Variants in ASAP2 observed in about 807,000 individuals in gnomAD.
ASAP2 encodes the protein ArfGAP with SH3 domain, ankyrin repeat and PH domain 2, also known as arf-GAP with SH3 domain, ANK repeat and PH domain-containing protein 2.
Under a neutral mutation model 131.4 loss-of-function variants are expected in ASAP2, and 45 were observed. That is an observed-to-expected ratio of 0.34 (90% CI 0.27 to 0.44). The LOEUF (loss-of-function observed/expected upper bound fraction) is 0.44, where lower values mean the gene tolerates loss of function less well. Among genes scored for constraint, ASAP2 ranks in the 20% least tolerant of loss-of-function variants. The pLI is 1.00. For synonymous variants in ASAP2, 510 were observed against 503.0 expected (o/e 1.01, Z -0.19); for missense variants, 1,011 against 1,297.0 (o/e 0.78, Z 3.39).
At chr2:9,375,564 C>T (rs1418697500) in intron 17 of ASAP2, among the ~76,000 whole-genome samples, 3 of 152,162 alleles carry the variant, frequency 2.0e-5, no homozygotes, top group Non-Finnish European at 4.4e-5. Context: ...CATTTAAAAT[C>T]GACTCAGTTT....
intron 1 of ASAP2, among the ~76,000 whole-genome samples, chr2:9,213,317 T>G (rs1259620611): frequency 6.6e-6 from 1 of 151,748 alleles, no homozygotes; most frequent in African/African-American, 2.4e-5. Context: ...GGTCAGGGTG[T>G]GTGGGGAGGA....
chr2:9,373,263 C>T (rs568097659), intron 16 of ASAP2, among the ~76,000 whole-genome samples: 1 of 152,206 alleles, frequency 6.6e-6, no homozygotes, highest in Admixed American at 6.5e-5. Flanking sequence ...GAAGTCCTTC[C>T]TGGGCTGTGA....
At chr2:9,380,284 G>A (rs1674735665) in intron 19 of ASAP2, among the ~76,000 whole-genome samples, 1 of 151,860 alleles carries the variant, frequency 6.6e-6, no homozygotes, top group Admixed American at 6.6e-5. Context: ...TGCAACCTCT[G>A]CCTCCCAGGT....
rs183536616 is a variant in ASAP2, at chr2:9,252,894, G to C, written c.127-26423G>C. Reference sequence around the variant, plus strand: ...TCGCGCCACTGCACTCCAGCCTCGCGACAAAGCGAGACTCCGTCTCAAAAA... The same window carrying C: ...TCGCGCCACTGCACTCCAGCCTCGCCACAAAGCGAGACTCCGTCTCAAAAA... On this transcript the variant is annotated intron_variant, in intron 1 of 27. Transcript: ENST00000281419. Among the ~76,000 whole-genome samples, 481 of 137,160 alleles carry C rather than the reference G, an allele frequency of 3.5e-3. 6 individuals are homozygous for C. Among genetic ancestry groups the C allele is most frequent in the Admixed American group, 0.028 (364 of 12,942 alleles). 90.0% of individuals were successfully genotyped at this position (137,160 alleles called of 152,430 possible). A position where few individuals can be genotyped will look rare whatever the true frequency, so the allele number is the denominator to read the frequency against.
chr2:9,317,079 A>G (rs553096447), intron 3 of ASAP2, among the ~76,000 whole-genome samples: 1 of 130,494 alleles, frequency 7.7e-6, no homozygotes, highest in Admixed American at 7.5e-5. Context: ...ACAAAATCAC[A>G]TCCACACACA....
chr2:9,277,594 G>A (rs1041247723), intron 1 of ASAP2, among the ~76,000 whole-genome samples: 1 of 152,092 alleles, frequency 6.6e-6, no homozygotes, highest in African/African-American at 2.4e-5. Context: ...AAATTGAATG[G>A]AAAATACAGA....
Position 9,405,604 on chromosome 2 carries a change from G to C in ASAP2, c.*2277G>C, listed in dbSNP as rs897955303. On this transcript the variant is annotated 3_prime_UTR_variant, in exon 28 of 28. Transcript: ENST00000281419. ...TCCTTAATGCAGTGATTTATAATTA[G>C]AGCATGTTTAATAAGTTTACTCTTC... 1 of 152,564 alleles carries C rather than the reference G, an allele frequency of 6.6e-6. No individual in the cohort carries two copies. Among genetic ancestry groups the C allele is most frequent in the African/African-American group, 2.4e-5 (1 of 41,432 alleles). The allele number at this position is 152,564 out of a possible 1,614,324, so 9.5% of individuals were successfully genotyped here.
At chr2:9,234,363 C>A (rs1663388625) in intron 1 of ASAP2, among the ~76,000 whole-genome samples, 1 of 152,132 alleles carries the variant, frequency 6.6e-6, no homozygotes, top group Non-Finnish European at 1.5e-5. Context: ...CCGGGGAGAA[C>A]ATTTAGCCAG....
chr2:9,275,572 C>T (rs940359189), intron 1 of ASAP2, among the ~76,000 whole-genome samples: 1 of 152,190 alleles, frequency 6.6e-6, no homozygotes, highest in Non-Finnish European at 1.5e-5. Flanking sequence ...CCAGCCAGTT[C>T]CCTCTTCTTT....
In ASAP2 at chr2:9,380,722, G is replaced by T; in HGVS notation, c.1949-19G>T. Reference sequence around the variant, plus strand: ...TGGGTTTTGCCTTAACGCCTCCTTTGCTCGCCCTTGAATTTTAGCAAACGA... The same window carrying T: ...TGGGTTTTGCCTTAACGCCTCCTTTTCTCGCCCTTGAATTTTAGCAAACGA... On this transcript the variant is annotated intron_variant, in intron 19 of 27. Transcript: ENST00000281419. The T allele has an allele frequency of 6.2e-7, 1 of 1,613,966 alleles. No homozygotes were observed. The highest frequency in any genetic ancestry group is 8.5e-7 in the Non-Finnish European group (1 of 1,179,910).
chr2:9,364,804 G>T (rs1441254962), intron 15 of ASAP2, among the ~76,000 whole-genome samples: 1 of 152,186 alleles, frequency 6.6e-6, no homozygotes, highest in Non-Finnish European at 1.5e-5. Context: ...TTGACTATCA[G>T]TGGTCATTTA....
chr2:9,402,065 T>C (rs1676743354), intron 27 of ASAP2, among the ~76,000 whole-genome samples: 1 of 152,196 alleles, frequency 6.6e-6, no homozygotes, highest in Non-Finnish European at 1.5e-5. Context: ...CACCACACAG[T>C]AGACGCAAGT....
chr2:9,325,640 G>C (rs139214182), intron 6 of ASAP2, among the ~76,000 whole-genome samples: 1 of 152,198 alleles, frequency 6.6e-6, no homozygotes, highest in Admixed American at 6.5e-5. Context: ...TGGCTCTGTC[G>C]TTGCTTCCTG....
chr2:9,395,129 C>T (rs1041744314), intron 24 of ASAP2, among the ~76,000 whole-genome samples: 55 of 152,192 alleles, frequency 3.6e-4, no homozygotes, highest in African/African-American at 1.3e-3. Flanking sequence ...ACAGTCGGGG[C>T]AGAGAGGACT....
intron 22 of ASAP2, 80 bp from the exon 23 acceptor site, chr2:9,390,982 A>G (rs902442610): frequency 6.2e-7 from 1 of 1,604,072 alleles, no homozygotes; most frequent in East Asian, 2.2e-5. Flanking sequence ...TCAATAACGC[A>G]GTGTTCTGTT....
In ASAP2 at chr2:9,297,280, C is replaced by A. The variant is rs372237689; in HGVS notation, c.200-20C>A. The A allele has an allele frequency of 6.2e-7, 1 of 1,609,762 alleles. No individual in the cohort carries two copies. Among genetic ancestry groups the A allele is most frequent in the East Asian group, 2.2e-5 (1 of 44,764 alleles). On this transcript the variant is annotated intron_variant, in intron 2 of 27. Transcript: ENST00000281419. The stretch of plus-strand genomic sequence containing the variant: ...GGTGGCATGCCTGAGACTCACAGCA[C>A]CTCCGTCATTCTGTTGCAGCTCACG...
chr2:9,386,762 A>G (rs1341036961), intron 21 of ASAP2, among the ~76,000 whole-genome samples: 2 of 152,120 alleles, frequency 1.3e-5, no homozygotes, highest in African/African-American at 4.8e-5. Context: ...CTAGAAAAGC[A>G]CTCGTCATAT....
intron 20 of ASAP2, among the ~76,000 whole-genome samples, 156 bp downstream of exon 20, chr2:9,380,964 G>A (rs1260513936): frequency 6.6e-6 from 1 of 152,166 alleles, no homozygotes; most frequent in East Asian, 1.9e-4. Flanking sequence ...CTTGGAGAAG[G>A]TATGCTAGGG....
chr2:9,270,785 A>ATTGTTTTTTTTTTTTTTTTTTT (rs1666298921), intron 1 of ASAP2, among the ~76,000 whole-genome samples: 1 of 52,924 alleles, frequency 1.9e-5, no homozygotes, highest in Non-Finnish European at 3.5e-5. Flanking sequence ...AATTGTTTTC[A>ATTGTTTTTTTTTTTTTTTTTTT]TTTTTTTTTT....
Sources: allele counts gnomAD v4.1 joint callset (sites outside exome capture counted in the v4.1 genomes callset), GRCh38; gene constraint gnomAD v4.1.1; transcripts MANE v1.5; gene names NCBI Gene and HGNC (gene_info 2026-07-23, HGNC 2026-07-21).